Variants in THAP9 observed in about 807,000 individuals in gnomAD.
The protein encoded by THAP9 is THAP domain containing 9.
A neutral mutation model predicts 35.7 loss-of-function variants in THAP9; 20 were observed. The observed-to-expected ratio is 0.56, with a 90% CI of 0.39 to 0.81. The LOEUF (loss-of-function observed/expected upper bound fraction) is 0.81, where lower values mean the gene tolerates loss of function less well. Ranked by LOEUF, THAP9 falls within the 40% of genes least tolerant of loss-of-function variation. The pLI is 0.00. For synonymous variants in THAP9, 335 were observed against 373.7 expected, an observed-to-expected ratio of 0.90 and a Z score of 1.19; for missense variants, 870 against 1,047.4, an observed-to-expected ratio of 0.83 and a Z score of 2.34.
chr4:82,911,270 G>A (rs1017064344), intron 4 of THAP9, among the ~76,000 whole-genome samples: 2 of 148,396 alleles, frequency 1.3e-5, no homozygotes, highest in African/African-American at 4.9e-5. Context: ...AGATTTGGTA[G>A]TAGGAAAATG....
intron 1 of THAP9, 132 bp downstream of exon 1, chr4:82,901,014 T>G (rs1213042283): frequency 8.9e-7 from 1 of 1,122,802 alleles, no homozygotes; most frequent in Non-Finnish European, 1.3e-6. Context: ...GTGCGCAGCG[T>G]CGGGGCGTGG....
Position 82,904,764 on chromosome 4 carries a change from A to G in THAP9, c.109A>G (p.Lys37Glu), listed in dbSNP as rs372256077. The G allele has an allele frequency of 6.5e-5, 105 of 1,614,056 alleles. No individual in the cohort carries two copies. Among genetic ancestry groups the G allele is most frequent in the Non-Finnish European group, 8.1e-5 (96 of 1,180,028 alleles). Residue 37 changes from lysine to glutamate, a missense_variant, in exon 2 of 5, where the codon AAA becomes GAA. Lys to Glu is a moderately conservative substitution (Grantham distance 56). Around this residue, in one of 3 missense-constraint regions of THAP9, gnomAD observed 440 missense variants for 501.2 expected, o/e 0.88. Coordinates refer to ENST00000302236, the MANE Select transcript of THAP9 (RefSeq NM_024672.6). ...QFPTDTIQRS[K>E]WIRAVNRVDP... ...TCCAACTGATACCATACAGCGCTCA[A>G]AATGGATCAGGGCTGTTAATCGTGT...
intron 4 of THAP9, among the ~76,000 whole-genome samples, chr4:82,912,753 G>C (rs1195326616): frequency 6.6e-6 from 1 of 152,178 alleles, no homozygotes; most frequent in Non-Finnish European, 1.5e-5. Context: ...ATATGTATAT[G>C]TGTAAGGGTG....
At position 82,906,519 on chromosome 4, in the gene THAP9, A is replaced by C. The variant is rs759322413; in HGVS notation, c.472A>C (p.Asn158His). ...CAAAAAAAGACTTATCTCCGTAAAGAACTACAGGATGATCAAGAAGAGAAA... is the reference window on the plus strand; with the variant it reads ...CAAAAAAAGACTTATCTCCGTAAAGCACTACAGGATGATCAAGAAGAGAAA... ...VSKKRLISVK[N>H]YRMIKKRKGL... Residue 158 changes from asparagine (N) to histidine (H), a missense_variant, in exon 3 of 5, where the codon AAC becomes CAC. Coordinates refer to ENST00000302236, the MANE Select transcript of THAP9 (RefSeq NM_024672.6). 11 of 1,613,876 alleles carry C rather than the reference A, an allele frequency of 6.8e-6. No homozygotes were observed. Among genetic ancestry groups the C allele is most frequent in the Middle Eastern group, 1.7e-4 (1 of 6,058 alleles).
At chr4:82,909,894 A>G (rs1430322811) in intron 4 of THAP9, 1 of 152,144 alleles carries the variant, frequency 6.6e-6, no homozygotes, top group African/African-American at 2.4e-5. Flanking sequence ...ATGCATATAT[A>G]TAATTTGTAA....
chr4:82,911,031 T>G (rs745751740), intron 4 of THAP9, among the ~76,000 whole-genome samples: 5 of 152,038 alleles, frequency 3.3e-5, no homozygotes, highest in African/African-American at 7.2e-5. Flanking sequence ...GAAAGGAACA[T>G]GCATTGAGGG....
At chr4:82,916,137 A>G (rs1380985206) in intron 4 of THAP9, among the ~76,000 whole-genome samples, 4 of 152,246 alleles carry the variant, frequency 2.6e-5, no homozygotes, top group Non-Finnish European at 4.4e-5. Context: ...TTACAAAAGT[A>G]TATGTTACAG....
Position 82,904,810 on chromosome 4 carries a change from T to TTCCC in THAP9, c.156_157insCCCT (p.Trp53ProfsTer19). 6.2e-7 allele frequency: 1 copy of TTCCC among 1,614,092 alleles called. No individual in the cohort carries two copies. The highest frequency in any genetic ancestry group is 1.1e-5 in the South Asian group (1 of 91,084). ...CGTGTGGACCCCAGAAGCAAAAAGATTTGGATTCCAGGACCAGGTGCTATA... is the reference window on the plus strand; with the variant it reads ...CGTGTGGACCCCAGAAGCAAAAAGATTCCCTTGGATTCCAGGACCAGGTGCTATA... On this transcript the variant is annotated frameshift_variant, in exon 2 of 5. Transcript: ENST00000302236. LOFTEE classifies it high-confidence loss of function.
chr4:82,913,532 A>ACT (rs1326473161), intron 4 of THAP9: 1 of 152,186 alleles, frequency 6.6e-6, no homozygotes, highest in Non-Finnish European at 1.5e-5. Flanking sequence ...GCACTGCTAT[A>ACT]CTGTTGAGTC....
Position 82,918,542 on chromosome 4 carries a change from G to C in THAP9, c.2330G>C (p.Arg777Pro), listed in dbSNP as rs529855434. 1 of 1,614,102 alleles carries C rather than the reference G, an allele frequency of 6.2e-7. No homozygotes were observed. The highest frequency in any genetic ancestry group is 1.1e-5 in the South Asian group (1 of 91,078). Residue 777 changes from arginine to proline, a missense_variant, in exon 5 of 5, where the codon CGA becomes CCA. Arg to Pro is a moderately radical substitution (Grantham distance 103). Around this residue, in one of 3 missense-constraint regions of THAP9, gnomAD observed 414 missense variants for 500.8 expected, o/e 0.83. Transcript: ENST00000302236. ...SLCRVINICE[R>P]VVRTHSRMAI... ...TGTCGGGTCATAAATATTTGTGAGC[G>C]AGTTGTAAGAACCCATTCAAGAATG... is the stretch of plus-strand genomic sequence containing the variant.
At chr4:82,902,416 G>A (rs551399748) in intron 1 of THAP9, among the ~76,000 whole-genome samples, 1 of 151,974 alleles carries the variant, frequency 6.6e-6, no homozygotes, top group South Asian at 2.1e-4. Flanking sequence ...AATACTTTGG[G>A]GCAAACCTAC....
intron 1 of THAP9, among the ~76,000 whole-genome samples, chr4:82,903,057 GAAAT>G (rs973621453): frequency 3.0e-4 from 46 of 152,280 alleles, no homozygotes; most frequent in African/African-American, 1.1e-3. Context: ...ATTTAGCTGA[GAAAT>G]AAAATTTATA....
chr4:82,917,162 T>C lies in THAP9; in HGVS notation c.950T>C (p.Leu317Pro). The change falls in exon 5 of 5, where the codon CTT becomes CCT. Residue 317 changes from leucine to proline, a missense_variant. Leu to Pro is a moderately conservative substitution (Grantham distance 98, BLOSUM62 -3). Transcript: ENST00000302236. ...AAACTTGATGCTGATGAAACGCCAC[T>C]TGCTTCAGAAACTGTTTTGTTAATG... is the stretch of plus-strand genomic sequence containing the variant. ...LGKLDADETP[L>P]ASETVLLMAV... The C allele has an allele frequency of 6.2e-7, 1 of 1,613,708 alleles. No homozygotes were observed. Among genetic ancestry groups the C allele is most frequent in the Non-Finnish European group, 8.5e-7 (1 of 1,179,780 alleles).
chr4:82,900,790 A>C lies in THAP9; in HGVS notation c.-13A>C. On this transcript the variant is annotated 5_prime_UTR_variant, in exon 1 of 5. Coordinates refer to ENST00000302236, the MANE Select transcript of THAP9 (RefSeq NM_024672.6). ...GCGGGAACCCCGAAGGTGGGGCCCC[A>C]CGTAACAAGAAGATGACCCGAAGTT... 1 of 1,613,650 alleles carries C rather than the reference A, an allele frequency of 6.2e-7. No homozygotes were observed. Among genetic ancestry groups the C allele is most frequent in the Non-Finnish European group, 8.5e-7 (1 of 1,180,012 alleles).
At chr4:82,915,587 A>T (rs945400755) in intron 4 of THAP9, among the ~76,000 whole-genome samples, 16 of 152,110 alleles carry the variant, frequency 1.1e-4, no homozygotes, top group Non-Finnish European at 2.9e-5. Context: ...CTATTAATGC[A>T]TCATGAAATT....
chr4:82,907,634 G>T (rs973902251), intron 3 of THAP9, 151 bp from the exon 4 acceptor site: 2 of 597,402 alleles, frequency 3.3e-6, no homozygotes, highest in Admixed American at 3.9e-5. Context: ...GGGGTCCTAA[G>T]TGGATATTAA....
At chr4:82,916,695 A>G (rs1167721296) in intron 4 of THAP9, among the ~76,000 whole-genome samples, 1 of 152,258 alleles carries the variant, frequency 6.6e-6, no homozygotes, top group Non-Finnish European at 1.5e-5. Context: ...TTTACTTTTT[A>G]AAGAATAAAT....
In THAP9 at chr4:82,907,868, T is replaced by C; in HGVS notation, c.664T>C (p.Cys222Arg). 1.2e-6 allele frequency: 2 copies of C among 1,611,972 alleles called. No individual in the cohort carries two copies. The highest frequency in any genetic ancestry group is 4.5e-5 in the East Asian group (2 of 44,744). Reference sequence around the variant, plus strand: ...ACAATTTGCATGTACACTCTACTTGTGCAGTAGCAAAGTCTATGATTATGT... The same window carrying C: ...ACAATTTGCATGTACACTCTACTTGCGCAGTAGCAAAGTCTATGATTATGT... ...MKQFACTLYL[C>R]SSKVYDYVRK... is the part of the protein sequence containing the mutation. The change falls in exon 4 of 5, where the codon TGC becomes CGC. Residue 222 changes from cysteine (C) to arginine (R), a missense_variant. By Grantham distance (180) the Cys-to-Arg change is radical. Transcript: ENST00000302236.
chr4:82,906,907 C>A (rs1272722918), intron 3 of THAP9, among the ~76,000 whole-genome samples: 2 of 152,070 alleles, frequency 1.3e-5, no homozygotes, highest in Admixed American at 6.6e-5. Context: ...ATGGTTTATA[C>A]CATTTTCTGT....
Sources: allele counts gnomAD v4.1 joint callset (sites outside exome capture counted in the v4.1 genomes callset), GRCh38; gene constraint gnomAD v4.1.1; regional missense constraint gnomAD v4.1.1; transcripts MANE v1.5; gene names NCBI Gene and HGNC (gene_info 2026-07-23, HGNC 2026-07-21).